Variants in NDUFAF6 observed in about 807,000 individuals in gnomAD.
The protein encoded by NDUFAF6 is NADH dehydrogenase (ubiquinone) complex I, assembly factor 6.
In NDUFAF6, 45 loss-of-function variants were observed where a neutral mutation model predicts 40.8. That is an observed-to-expected ratio of 1.10 (90% CI 0.87 to 1.42). The LOEUF is 1.42. Ranked by LOEUF, NDUFAF6 falls within the 40% of genes most tolerant of loss-of-function variation. NDUFAF6 has a pLI of 0.00. For synonymous variants in NDUFAF6, 185 were observed against 155.9 expected, an observed-to-expected ratio of 1.19 and a Z score of -1.39; for missense variants, 435 against 418.5, an observed-to-expected ratio of 1.04 and a Z score of -0.34.
intron 1 of NDUFAF6, chr8:94,932,204 G>A (rs1343104855): frequency 1.5e-6 from 2 of 1,348,230 alleles, no homozygotes; most frequent in Non-Finnish European, 2.1e-6. Flanking sequence ...TATTAAAACT[G>A]GTTTACTATG....
intron 2 of NDUFAF6, chr8:95,087,697 A>G (rs905037614): frequency 6.6e-6 from 1 of 151,978 alleles, no homozygotes; most frequent in Non-Finnish European, 1.5e-5. Flanking sequence ...TTGTCCTTCT[A>G]CTTTATTTTT....
chr8:95,112,437 C>G (rs574992607), intron 4 of NDUFAF6, among the ~76,000 whole-genome samples: 1 of 152,214 alleles, frequency 6.6e-6, no homozygotes, highest in South Asian at 2.1e-4. Flanking sequence ...CTGACACAAG[C>G]CAGTGAACTC....
chr8:95,096,147 AG>A (rs1158017290), upstream of NDUFAF6, among the ~76,000 whole-genome samples: 2 of 152,162 alleles, frequency 1.3e-5, no homozygotes, highest in Non-Finnish European at 2.9e-5. Flanking sequence ...ATTGCTGACA[AG>A]GAGTCGAATC....
upstream of NDUFAF6, among the ~76,000 whole-genome samples, chr8:95,021,680 G>GC: frequency 6.6e-6 from 1 of 152,314 alleles, no homozygotes; most frequent in East Asian, 1.9e-4. Context: ...TTAAGGGACA[G>GC]CATCTTTTGT....
chr8:94,927,536 CT>C (rs1474648384), intron 1 of NDUFAF6: 1 of 152,160 alleles, frequency 6.6e-6, no homozygotes, highest in African/African-American at 2.4e-5. Flanking sequence ...AACCCAATCA[CT>C]TTGCATCTTT....
intron 1 of NDUFAF6, among the ~76,000 whole-genome samples, chr8:94,907,935 C>G (rs1045035031): frequency 6.6e-6 from 1 of 152,236 alleles, no homozygotes; most frequent in Non-Finnish European, 1.5e-5. Context: ...ATTGCTGAAT[C>G]TCCAGTACCT....
intron 9 of NDUFAF6, among the ~76,000 whole-genome samples, chr8:95,066,288 T>C (rs112286374): frequency 0.032 from 339 of 10,630 alleles, 2 homozygotes; most frequent in African/African-American, 0.099. Flanking sequence ...GCTTGCTTGC[T>C]TTTTTTTTTT....
At chr8:94,955,793 T>C (rs1486559503), upstream of NDUFAF6, among the ~76,000 whole-genome samples, 1 of 152,254 alleles carries the variant, frequency 6.6e-6, no homozygotes, top group Non-Finnish European at 1.5e-5. Flanking sequence ...AGAGGTGGTC[T>C]TGACCTATGC....
chr8:95,109,244 A>G (rs997177901), intron 4 of NDUFAF6, among the ~76,000 whole-genome samples: 13 of 152,226 alleles, frequency 8.5e-5, no homozygotes, highest in Non-Finnish European at 1.5e-4. Flanking sequence ...ATCAAAGTCT[A>G]TTTGTCCAAC....
At chr8:95,112,721 A>G (rs1321999496) in intron 4 of NDUFAF6, among the ~76,000 whole-genome samples, 1 of 152,068 alleles carries the variant, frequency 6.6e-6, no homozygotes, top group Non-Finnish European at 1.5e-5. Flanking sequence ...CTGTCCCTCC[A>G]TGCTCCTGCC....
At chr8:94,939,110 T>C (rs1052976116) in intron 1 of NDUFAF6, among the ~76,000 whole-genome samples, 3 of 152,204 alleles carry the variant, frequency 2.0e-5, no homozygotes, top group African/African-American at 4.8e-5. Context: ...AGTGTGAGTA[T>C]TGCAGGAAGA....
intron 2 of NDUFAF6, among the ~76,000 whole-genome samples, chr8:95,088,210 G>A (rs2132060102): frequency 6.6e-6 from 1 of 152,292 alleles, no homozygotes; most frequent in Non-Finnish European, 1.5e-5. Context: ...CCTCCCACAG[G>A]CTGCCTCTCA....
intron 5 of NDUFAF6, among the ~76,000 whole-genome samples, chr8:95,046,215 C>T (rs147876001): frequency 0.014 from 2,129 of 152,176 alleles, 18 homozygotes; most frequent in Non-Finnish European, 0.02. Flanking sequence ...GACGTGCCAC[C>T]ACGCCCAGCT....
At chr8:95,013,266 A>G (rs1293332637) in intron 2 of NDUFAF6, among the ~76,000 whole-genome samples, 4 of 152,070 alleles carry the variant, frequency 2.6e-5, no homozygotes, top group African/African-American at 9.7e-5. Context: ...CACCTGGCTA[A>G]TGTTTTTAAA....
intron 2 of NDUFAF6, among the ~76,000 whole-genome samples, chr8:94,948,081 A>G (rs891332419): frequency 9.2e-5 from 14 of 152,328 alleles, no homozygotes; most frequent in Non-Finnish European, 1.9e-4. Context: ...TTTTTTAGCA[A>G]TAGATGCCCA....
chr8:95,057,793 A>G lies in NDUFAF6; in HGVS notation c.874-16A>G, dbSNP rs766593972. On this transcript the variant is annotated splice_polypyrimidine_tract_variant and intron_variant, in intron 8 of 8. Coordinates refer to ENST00000396124, the MANE Select transcript of NDUFAF6 (RefSeq NM_152416.4). ...ATCATTTTATGATCTGGTGATCACTATTCTCTTTTTTCCAGGTTTCTCTAG... is the reference window on the plus strand; with the variant it reads ...ATCATTTTATGATCTGGTGATCACTGTTCTCTTTTTTCCAGGTTTCTCTAG... 1.1e-5 allele frequency: 17 copies of G among 1,595,114 alleles called. No homozygotes were observed. In the East Asian group the frequency reaches 3.6e-4, roughly 34 times the overall value.
rs10689536 is a variant in NDUFAF6 at position 95,092,183 on chromosome 8, A to AT, written n.214-8934dup. Among the ~76,000 whole-genome samples, 1,052 of 142,388 alleles carry AT rather than the reference A, an allele frequency of 7.4e-3. 9 individuals carry two copies. Among genetic ancestry groups the AT allele is most frequent in the East Asian group, 0.011 (54 of 4,862 alleles). The allele number at this position is 142,388 out of a possible 152,430, so 93.4% of individuals were successfully genotyped here. On this transcript the variant is annotated intron_variant and non_coding_transcript_variant, in intron 2 of 5. Transcript: ENST00000523184. ...TAACTTAAAATTCCCCTTTGACACA[A>AT]TTTTTTTTTTTTTTTGAAATGGGAC...
chr8:95,001,514 A>G (rs907936617), intron 2 of NDUFAF6, among the ~76,000 whole-genome samples: 2 of 152,182 alleles, frequency 1.3e-5, no homozygotes, highest in Non-Finnish European at 2.9e-5. Flanking sequence ...TGGCCTGTCC[A>G]TATGTTAATT....
intron 1 of NDUFAF6, among the ~76,000 whole-genome samples, chr8:94,902,996 C>T (rs1818128128): frequency 6.6e-6 from 1 of 152,066 alleles, no homozygotes; most frequent in African/African-American, 2.4e-5. Context: ...GCCACTGTGC[C>T]CAGCCTGTAT....
Sources: gnomAD v4.1 joint callset for allele counts (sites outside exome capture counted in the v4.1 genomes callset) on GRCh38, gnomAD v4.1.1 for gene constraint, MANE v1.5 for transcripts, NCBI Gene and HGNC (gene_info 2026-07-23, HGNC 2026-07-21) for gene names.